Variants in ARL15 observed in about 807,000 individuals in gnomAD.
ARL15 encodes the protein ARF like GTPase 15.
In ARL15, 19 loss-of-function variants were observed where a neutral mutation model predicts 25.2. The observed-to-expected ratio is 0.75, with a 90% CI of 0.53 to 1.10. The LOEUF (loss-of-function observed/expected upper bound fraction) is 1.10. Ranked by LOEUF, ARL15 falls within the 50% of genes least tolerant of loss-of-function variation. ARL15 has a pLI of 0.00. For synonymous variants in ARL15, 94 were observed against 86.8 expected (o/e 1.08, Z -0.46); for missense variants, 220 against 246.0 (o/e 0.89, Z 0.71).
chr5:54,158,889 G>T (rs1047116106), intron 2 of ARL15, among the ~76,000 whole-genome samples: 1 of 151,828 alleles, frequency 6.6e-6, no homozygotes, highest in East Asian at 1.9e-4. Context: ...AGTACTAAGT[G>T]CTATATTCGA....
At chr5:54,242,969 T>C (rs889736650) in intron 1 of ARL15, among the ~76,000 whole-genome samples, 1 of 152,238 alleles carries the variant, frequency 6.6e-6, no homozygotes, top group Admixed American at 6.5e-5. Flanking sequence ...TCCCTAGATG[T>C]AGACAATCTT....
intron 4 of ARL15, among the ~76,000 whole-genome samples, chr5:53,970,691 C>G (rs1223725106): frequency 6.6e-6 from 1 of 152,108 alleles, no homozygotes; most frequent in Non-Finnish European, 1.5e-5. Flanking sequence ...GGCTGGAGGA[C>G]AAGTTGACTC....
chr5:54,056,002 T>C (rs935406479), intron 4 of ARL15, among the ~76,000 whole-genome samples: 2 of 152,204 alleles, frequency 1.3e-5, no homozygotes, highest in South Asian at 2.1e-4. Context: ...TATTGAATTA[T>C]TGAATGAGTA....
chr5:53,890,260 G>A (rs1457868326), intron 4 of ARL15, among the ~76,000 whole-genome samples: 1 of 151,932 alleles, frequency 6.6e-6, no homozygotes, highest in Non-Finnish European at 1.5e-5. Flanking sequence ...CAGTTTTAAA[G>A]AATAGTGTTT....
chr5:54,204,592 C>A (rs1755814040), intron 1 of ARL15, among the ~76,000 whole-genome samples: 1 of 152,186 alleles, frequency 6.6e-6, no homozygotes, highest in Non-Finnish European at 1.5e-5. Context: ...GCCCATACTT[C>A]TTTCTAGAAA....
At chr5:54,106,155 T>TAC (rs1752584688) in intron 4 of ARL15, among the ~76,000 whole-genome samples, 13 of 152,226 alleles carry the variant, frequency 8.5e-5, no homozygotes, top group Admixed American at 7.9e-4. Flanking sequence ...CAAACATTTG[T>TAC]AAATACGATA....
At chr5:54,178,415 C>T (rs1274737166) in intron 1 of ARL15, among the ~76,000 whole-genome samples, 1 of 152,206 alleles carries the variant, frequency 6.6e-6, no homozygotes, top group African/African-American at 2.4e-5. Flanking sequence ...CATTTCAATA[C>T]TGGTCTCGCC....
intron 1 of ARL15, chr5:54,282,587 G>A (rs13173813): frequency 0.53 from 522,822 of 977,266 alleles, 147,671 homozygotes; most frequent in Non-Finnish European, 0.57. Context: ...CATTTAAGGA[G>A]TGTAACTTAT....
At chr5:54,078,760 A>C (rs1751694704) in intron 4 of ARL15, among the ~76,000 whole-genome samples, 1 of 152,218 alleles carries the variant, frequency 6.6e-6, no homozygotes, top group South Asian at 2.1e-4. Flanking sequence ...GCAAAATATT[A>C]AATCATAAAT....
At chr5:54,025,667 T>C (rs1055311250) in intron 4 of ARL15, among the ~76,000 whole-genome samples, 2 of 152,102 alleles carry the variant, frequency 1.3e-5, no homozygotes, top group African/African-American at 4.8e-5. Flanking sequence ...GTTTGTTTGT[T>C]TGTTTGTTTG....
intron 1 of ARL15, among the ~76,000 whole-genome samples, chr5:54,226,447 A>C (rs1416025029): frequency 6.6e-6 from 1 of 152,172 alleles, no homozygotes; most frequent in Admixed American, 6.5e-5. Context: ...AAATTCCTGG[A>C]ATCGAGAGGC....
intron 1 of ARL15, among the ~76,000 whole-genome samples, chr5:54,244,454 T>C (rs892644579): frequency 6.6e-6 from 1 of 152,210 alleles, no homozygotes; most frequent in African/African-American, 2.4e-5. Flanking sequence ...GAATGTATTT[T>C]AATACCACTC....
At chr5:54,265,199 A>C (rs1280112263) in intron 1 of ARL15, among the ~76,000 whole-genome samples, 1 of 152,176 alleles carries the variant, frequency 6.6e-6, no homozygotes, top group Non-Finnish European at 1.5e-5. Flanking sequence ...ATCCCTTTCA[A>C]CATTTTTGCT....
intron 2 of ARL15, among the ~76,000 whole-genome samples, chr5:54,169,995 C>T (rs1448190350): frequency 6.6e-6 from 1 of 152,136 alleles, no homozygotes; most frequent in East Asian, 1.9e-4. Flanking sequence ...CTGAAAAGCT[C>T]TCAAAACCTG....
intron 4 of ARL15, among the ~76,000 whole-genome samples, chr5:53,950,273 A>T (rs1018224611): frequency 7.1e-6 from 1 of 140,806 alleles, no homozygotes; most frequent in African/African-American, 2.7e-5. Context: ...TACAAAAATT[A>T]AAAAAAAAAA....
chr5:54,204,914 T>G (rs1376591850), intron 1 of ARL15, among the ~76,000 whole-genome samples: 1 of 147,144 alleles, frequency 6.8e-6, no homozygotes, highest in Non-Finnish European at 1.5e-5. Context: ...AGAATCATCT[T>G]TGCTATCAAT....
At chr5:54,118,313 A>G (rs1402409083) in intron 3 of ARL15, among the ~76,000 whole-genome samples, 1 of 152,156 alleles carries the variant, frequency 6.6e-6, no homozygotes, top group East Asian at 1.9e-4. Flanking sequence ...CAACATATTA[A>G]CAACAGATTA....
intron 1 of ARL15, among the ~76,000 whole-genome samples, chr5:54,188,393 G>A (rs990382485): frequency 6.6e-6 from 1 of 152,112 alleles, no homozygotes; most frequent in Non-Finnish European, 1.5e-5. Flanking sequence ...TTCTATACAA[G>A]GAATTATGAC....
chr5:54,028,291 C>T (rs1035512707), intron 4 of ARL15, among the ~76,000 whole-genome samples: 1 of 152,062 alleles, frequency 6.6e-6, no homozygotes, highest in Non-Finnish European at 1.5e-5. Context: ...TCCATAACTG[C>T]AATCGGTCAA....
Sources: allele counts gnomAD v4.1 joint callset (sites outside exome capture counted in the v4.1 genomes callset), GRCh38; gene constraint gnomAD v4.1.1; transcripts MANE v1.5; gene names NCBI Gene and HGNC (gene_info 2026-07-23, HGNC 2026-07-21).